The following NIPSNAP1 variants were observed in gnomAD, a reference collection of about 807,000 sequenced individuals.
NIPSNAP1 encodes the protein protein NipSnap homolog 1.
NIPSNAP1 carries 25 observed loss-of-function variants against 49.2 expected under a neutral mutation model. The ratio of observed to expected loss-of-function variants is 0.51; its 90% CI spans 0.37 to 0.71. The LOEUF (loss-of-function observed/expected upper bound fraction) is 0.71. Among genes scored for constraint, NIPSNAP1 ranks in the 30% least tolerant of loss-of-function variants. NIPSNAP1 has a pLI of 0.00. For synonymous variants in NIPSNAP1, 143 were observed against 140.7 expected (o/e 1.02, Z -0.12); for missense variants, 294 against 361.0 (o/e 0.81, Z 1.50).
chr22:29,577,419 A>ATT (rs695552), intron 1 of NIPSNAP1, among the ~76,000 whole-genome samples: 3 of 138,638 alleles, frequency 2.2e-5, no homozygotes, highest in African/African-American at 8.4e-5. Context: ...TGCCTGGCTA[A>ATT]TTTTTTTTTT....
At chr22:29,562,822 G>A (rs760907099) in intron 4 of NIPSNAP1, among the ~76,000 whole-genome samples, 26 of 151,156 alleles carry the variant, frequency 1.7e-4, no homozygotes, top group African/African-American at 5.8e-4. Context: ...ATCCTGGGCC[G>A]GGCACGGTGG....
Position 29,555,460 on chromosome 22 carries a change from G to T in NIPSNAP1, c.*475C>A. 1 of 164,456 alleles carries T rather than the reference G, an allele frequency of 6.1e-6. No individual in the cohort carries two copies. Among genetic ancestry groups the T allele is most frequent in the East Asian group, 1.6e-4 (1 of 6,266 alleles). The allele number at this position is 164,456 out of a possible 1,614,324, so 10.2% of individuals were successfully genotyped here. ...AGTTCCAGGCTTTTCTCCAGCAGGA[G>T]GGACTTGGCTCAGACTGTCCAGCAA... On this transcript the variant is annotated 3_prime_UTR_variant, in exon 10 of 10. Coordinates refer to ENST00000216121, the MANE Select transcript of NIPSNAP1 (RefSeq NM_003634.4).
chr22:29,567,797 G>A (rs562853231), intron 4 of NIPSNAP1, among the ~76,000 whole-genome samples: 1 of 151,928 alleles, frequency 6.6e-6, no homozygotes, highest in South Asian at 2.1e-4. Context: ...TTAAGGCTGT[G>A]TGAGCTGTGA....
chr22:29,572,388 G>A (rs1324743213), intron 1 of NIPSNAP1, among the ~76,000 whole-genome samples: 2 of 151,584 alleles, frequency 1.3e-5, no homozygotes, highest in Non-Finnish European at 2.9e-5. Flanking sequence ...CCATTGGGAC[G>A]GATAAAATCA....
intron 1 of NIPSNAP1, chr22:29,580,076 G>T (rs750070630): frequency 2.3e-6 from 3 of 1,303,498 alleles, no homozygotes; most frequent in Non-Finnish European, 3.0e-6. Flanking sequence ...ACAGGTTGGG[G>T]GAGGGGGAAC....
intron 8 of NIPSNAP1, among the ~76,000 whole-genome samples, chr22:29,560,090 G>A (rs2146601856): frequency 6.6e-6 from 1 of 152,210 alleles, no homozygotes; most frequent in East Asian, 1.9e-4. Context: ...GTGCTGCTCT[G>A]TCTACTTGGA....
At chr22:29,580,692 T>G (rs571498525) in intron 1 of NIPSNAP1, among the ~76,000 whole-genome samples, 1 of 151,942 alleles carries the variant, frequency 6.6e-6, no homozygotes, top group African/African-American at 2.4e-5. Flanking sequence ...AATGGGCCAC[T>G]CCTCCTGTCT....
chr22:29,581,086 G>A lies in NIPSNAP1; in HGVS notation c.-4C>T, dbSNP rs1287145921. 9 of 1,541,464 alleles carry A rather than the reference G, an allele frequency of 5.8e-6. No homozygotes were observed. In the Admixed American group the frequency reaches 1.2e-4, roughly 20 times the overall value. On this transcript the variant is annotated 5_prime_UTR_variant, in exon 1 of 10. Coordinates refer to ENST00000216121, the MANE Select transcript of NIPSNAP1 (RefSeq NM_003634.4). ...TGCTGCACAGCCGCGGAGCCATGTT[G>A]GAGCCGCAAAGGTTGCAGGAAGGCC...
intron 4 of NIPSNAP1, among the ~76,000 whole-genome samples, chr22:29,568,817 G>C (rs999223914): frequency 8.5e-5 from 13 of 152,140 alleles, no homozygotes; most frequent in African/African-American, 3.1e-4. Context: ...ATAAAAGACA[G>C]TGATCCAGGT....
At chr22:29,560,005 C>G (rs1332281701) in intron 8 of NIPSNAP1, among the ~76,000 whole-genome samples, 1 of 152,178 alleles carries the variant, frequency 6.6e-6, no homozygotes, top group African/African-American at 2.4e-5. Flanking sequence ...ACATTCTTCC[C>G]TACTCACTCC....
chr22:29,574,656 G>C (rs1262487520), intron 1 of NIPSNAP1, among the ~76,000 whole-genome samples: 1 of 151,770 alleles, frequency 6.6e-6, no homozygotes, highest in Non-Finnish European at 1.5e-5. Context: ...GTGCAATCCT[G>C]TAATCCCAGC....
chr22:29,557,514 A>G (rs2064304528), intron 9 of NIPSNAP1, among the ~76,000 whole-genome samples: 1 of 152,004 alleles, frequency 6.6e-6, no homozygotes, highest in African/African-American at 2.4e-5. Context: ...TGCAGCCTCA[A>G]ACTCCTGGGA....
rs1438254404 is a variant in NIPSNAP1, at chr22:29,570,169, T to C, written c.265A>G (p.Ser89Gly). 6 of 1,613,788 alleles carry C rather than the reference T, an allele frequency of 3.7e-6. No individual in the cohort carries two copies. The Admixed American group carries it at 6.7e-5, about 18-fold the overall frequency. The stretch of plus-strand genomic sequence containing the variant: ...TGGATGCAGGGTGCTCACGTGAGGC[T>C]GTTGTAGGCATCCAGGTATTCAGGC... ...VKPEYLDAYN[S>G]LTEAVLPKLH... Residue 89 changes from serine (S) to glycine (G), a missense_variant, in exon 3 of 10, where the codon AGC becomes GGC. By Grantham distance (56) the Ser-to-Gly change is moderately conservative. Around this residue, in one of 4 missense-constraint regions of NIPSNAP1, gnomAD observed 55 missense variants for 46.2 expected, o/e 1.19. Transcript: ENST00000216121.
In NIPSNAP1 at chr22:29,555,534, C is replaced by A. The variant is rs974894111; in HGVS notation, c.*401G>T. The A allele has an allele frequency of 1.3e-5, 3 of 233,132 alleles. No individual in the cohort carries two copies. The highest frequency in any genetic ancestry group is 4.5e-5 in the African/African-American group (2 of 44,858). 14.4% of individuals were successfully genotyped at this position (233,132 alleles called of 1,614,324 possible). A position where few individuals can be genotyped will look rare whatever the true frequency, so the allele number is the denominator to read the frequency against. ...GGAATTCCTGAGGGCCTGGCCTGGC[C>A]TCCTCTCTTCCCACCCCACCTCTAG... is the stretch of plus-strand genomic sequence containing the variant. On this transcript the variant is annotated 3_prime_UTR_variant, in exon 10 of 10. Coordinates refer to ENST00000216121, the MANE Select transcript of NIPSNAP1 (RefSeq NM_003634.4).
chr22:29,561,399 T>C (rs914202668), intron 6 of NIPSNAP1, 107 bp downstream of exon 6: 7 of 1,522,878 alleles, frequency 4.6e-6, no homozygotes, highest in Non-Finnish European at 6.3e-6. Flanking sequence ...TCTGAGCCCA[T>C]AGGGAGGGAG....
At position 29,558,943 on chromosome 22, in the gene NIPSNAP1, G is replaced by T. The variant is rs766522048; in HGVS notation, c.717C>A (p.Asp239Glu). 1 of 1,613,168 alleles carries T rather than the reference G, an allele frequency of 6.2e-7. No individual in the cohort carries two copies. Among genetic ancestry groups the T allele is most frequent in the Non-Finnish European group, 8.5e-7 (1 of 1,179,504 alleles). ...TTCGAGTCTCCTCCCGAGACTGCAG[G>T]TCTTTATAGGCTGTGAGAAAGGCAC... Reference protein sequence around the residue: ...YVVHHLWAYKDLQSREETRNA... With the variant: ...YVVHHLWAYKELQSREETRNA... The change falls in exon 9 of 10, where the codon GAC (aspartate) becomes GAA (glutamate). Residue 239 changes from aspartate to glutamate, a missense_variant. Physicochemically the swap from Asp to Glu is conservative, Grantham distance 45. Around this residue, in one of 4 missense-constraint regions of NIPSNAP1, gnomAD observed 146 missense variants for 219.9 expected, o/e 0.66. Coordinates refer to ENST00000216121, the MANE Select transcript of NIPSNAP1 (RefSeq NM_003634.4).
rs756699489 is a variant in NIPSNAP1, at chr22:29,561,777, T to C, written c.438+15A>G. On this transcript the variant is annotated intron_variant, in intron 5 of 9. Coordinates refer to ENST00000216121, the MANE Select transcript of NIPSNAP1 (RefSeq NM_003634.4). ...CCCACATCCAGAGAGGTGTGCTGAG[T>C]GGACACTAACATACCTTATTGTTTT... 1.2e-6 allele frequency: 2 copies of C among 1,613,876 alleles called. No individual in the cohort carries two copies.
In NIPSNAP1 at chr22:29,555,868, C is replaced by T. The variant is rs996406389; in HGVS notation, c.*67G>A. The T allele has an allele frequency of 7.1e-7, 1 of 1,408,032 alleles. No homozygotes were observed. Among genetic ancestry groups the T allele is most frequent in the African/African-American group, 1.4e-5 (1 of 70,180 alleles). The allele number at this position is 1,408,032 out of a possible 1,614,324, so 87.2% of individuals were successfully genotyped here. On this transcript the variant is annotated 3_prime_UTR_variant, in exon 10 of 10. Coordinates refer to ENST00000216121, the MANE Select transcript of NIPSNAP1 (RefSeq NM_003634.4). The stretch of plus-strand genomic sequence containing the variant: ...CAAGACAAAACCAAGACAGCAGGAC[C>T]AGGAGTGCCACTGTCTGTCGGGGTT...
At position 29,569,173 on chromosome 22, in the gene NIPSNAP1, T is replaced by C. The variant is rs1407028688; in HGVS notation, c.367+20A>G. On this transcript the variant is annotated intron_variant, in intron 4 of 9. Coordinates refer to ENST00000216121, the MANE Select transcript of NIPSNAP1 (RefSeq NM_003634.4). Reference sequence around the variant, plus strand: ...CAGGGCTGGGCAGTGGCAATGGCACTAGGGAGGTGAGCGCCTTACCTGCCT... The same window carrying C: ...CAGGGCTGGGCAGTGGCAATGGCACCAGGGAGGTGAGCGCCTTACCTGCCT... The C allele has an allele frequency of 6.2e-7, 1 of 1,608,904 alleles. No individual in the cohort carries two copies. The highest frequency in any genetic ancestry group is 1.3e-5 in the African/African-American group (1 of 74,912).
Sources: gnomAD v4.1 joint callset for allele counts (sites outside exome capture counted in the v4.1 genomes callset) on GRCh38, gnomAD v4.1.1 for gene constraint, gnomAD v4.1.1 regional missense constraint, MANE v1.5 for transcripts, NCBI Gene and HGNC (gene_info 2026-07-23, HGNC 2026-07-21) for gene names.